Variants in UNC5D observed in about 807,000 individuals in gnomAD.
UNC5D encodes unc-5 netrin receptor D, also known as netrin receptor UNC5D.
A neutral mutation model predicts 105.4 loss-of-function variants in UNC5D; 39 were observed. The observed-to-expected ratio is 0.37, with a 90% CI of 0.29 to 0.48. The LOEUF (loss-of-function observed/expected upper bound fraction) is 0.48. UNC5D is among the 20% of genes least tolerant of loss of function. UNC5D has a pLI of 0.98. For synonymous variants in UNC5D, 452 were observed against 450.4 expected (o/e 1.00, Z -0.04); for missense variants, 991 against 1,202.4 (o/e 0.82, Z 2.60).
intron 1 of UNC5D, among the ~76,000 whole-genome samples, chr8:35,438,955 C>G (rs764974229): frequency 6.6e-6 from 1 of 151,926 alleles, no homozygotes; most frequent in Non-Finnish European, 1.5e-5. Context: ...ATAAAAGGAC[C>G]CCTGTTCTGG....
At chr8:35,579,497 A>G (rs1413989578) in intron 3 of UNC5D, among the ~76,000 whole-genome samples, 1 of 152,166 alleles carries the variant, frequency 6.6e-6, no homozygotes, top group East Asian at 1.9e-4. Flanking sequence ...CAATTTACTG[A>G]TCCCTGAGGC....
At chr8:35,505,359 C>A (rs1349323760) in intron 1 of UNC5D, among the ~76,000 whole-genome samples, 1 of 152,006 alleles carries the variant, frequency 6.6e-6, no homozygotes, top group Non-Finnish European at 1.5e-5. Flanking sequence ...GGTCTTAGTA[C>A]AATTGAATGG....
At chr8:35,535,776 C>G (rs1466115312) in intron 1 of UNC5D, among the ~76,000 whole-genome samples, 1 of 152,140 alleles carries the variant, frequency 6.6e-6, no homozygotes, top group African/African-American at 2.4e-5. Flanking sequence ...TCCTCCTTCT[C>G]CATCCATCCC....
intron 4 of UNC5D, among the ~76,000 whole-genome samples, chr8:35,650,231 C>A (rs754534591): frequency 2.0e-5 from 3 of 152,064 alleles, no homozygotes; most frequent in Admixed American, 1.3e-4. Flanking sequence ...GGGTGATGAC[C>A]GAGGCTCTGG....
At chr8:35,518,861 C>A (rs1360393253) in intron 1 of UNC5D, among the ~76,000 whole-genome samples, 4 of 143,032 alleles carry the variant, frequency 2.8e-5, no homozygotes, top group African/African-American at 1.1e-4. Flanking sequence ...CTTAGAAATT[C>A]TCTTTACCTT....
At chr8:35,379,012 G>A (rs1034792604) in intron 1 of UNC5D, among the ~76,000 whole-genome samples, 5 of 152,188 alleles carry the variant, frequency 3.3e-5, no homozygotes, top group African/African-American at 4.8e-5. Flanking sequence ...ACCCTAGAAA[G>A]GATAGAAGCA....
At chr8:35,499,370 T>G (rs1352824304) in intron 1 of UNC5D, among the ~76,000 whole-genome samples, 1 of 152,228 alleles carries the variant, frequency 6.6e-6, no homozygotes, top group African/African-American at 2.4e-5. Context: ...TATCATTTAG[T>G]TCTCCCTCTT....
intron 1 of UNC5D, among the ~76,000 whole-genome samples, chr8:35,459,828 A>G (rs1382743047): frequency 6.6e-6 from 1 of 152,190 alleles, no homozygotes; most frequent in African/African-American, 2.4e-5. Flanking sequence ...ATATTGTCGC[A>G]TATATTTTTA....
intron 1 of UNC5D, among the ~76,000 whole-genome samples, chr8:35,396,419 A>G (rs1321976273): frequency 6.6e-6 from 1 of 152,152 alleles, no homozygotes; most frequent in African/African-American, 2.4e-5. Flanking sequence ...CCCAGCAGCA[A>G]GCTAAGACAA....
Position 35,634,757 on chromosome 8 carries a change from C to CT in UNC5D, c.570+39112dup, listed in dbSNP as rs1193381864. ...TTTTCTCCCTCTGGATTTTTCTTTTCTTTTTTTTTTTTCTTTCCTTTTTTT... is the reference window on the plus strand; with the variant it reads ...TTTTCTCCCTCTGGATTTTTCTTTTCTTTTTTTTTTTTTCTTTCCTTTTTTT... On this transcript the variant is annotated intron_variant, in intron 4 of 16. Transcript: ENST00000404895. Among the ~76,000 whole-genome samples the CT allele has an allele frequency of 8.2e-3, 1,181 of 143,790 alleles. 16 individuals carry two copies. The highest frequency in any genetic ancestry group is 0.025 in the African/African-American group (974 of 39,504). The allele number at this position is 143,790 out of a possible 152,430, so 94.3% of individuals were successfully genotyped here.
intron 1 of UNC5D, among the ~76,000 whole-genome samples, chr8:35,428,540 G>A (rs986278506): frequency 1.1e-4 from 17 of 151,742 alleles, no homozygotes; most frequent in Middle Eastern, 3.4e-3. Context: ...GCTCTCTTCT[G>A]CCCCACTGAA....
intron 1 of UNC5D, among the ~76,000 whole-genome samples, chr8:35,382,690 CTCTG>C (rs1803118807): frequency 6.6e-6 from 1 of 152,094 alleles, no homozygotes; most frequent in Admixed American, 6.6e-5. Context: ...TTTATAGTGA[CTCTG>C]TCTGGACTTG....
intron 2 of UNC5D, among the ~76,000 whole-genome samples, chr8:35,564,782 A>T (rs1817214283): frequency 6.6e-6 from 1 of 152,170 alleles, no homozygotes; most frequent in South Asian, 2.1e-4. Flanking sequence ...AGTGTCCATT[A>T]TACCATCCTG....
intron 1 of UNC5D, among the ~76,000 whole-genome samples, chr8:35,508,107 TAAC>T (rs770872797): frequency 6.6e-6 from 1 of 152,130 alleles, no homozygotes; most frequent in African/African-American, 2.4e-5. Context: ...ATGAATGTAA[TAAC>T]AACAATCCCA....
At chr8:35,768,688 A>G (rs1235656139) in intron 15 of UNC5D, among the ~76,000 whole-genome samples, 2 of 152,234 alleles carry the variant, frequency 1.3e-5, no homozygotes, top group Non-Finnish European at 2.9e-5. Context: ...TCCTTGCTTA[A>G]TAAATTCTTA....
intron 4 of UNC5D, among the ~76,000 whole-genome samples, chr8:35,641,767 T>A (rs568894899): frequency 2.9e-4 from 44 of 152,092 alleles, no homozygotes; most frequent in Admixed American, 2.6e-4. Flanking sequence ...GTGTAGGACA[T>A]CTTAATAGAT....
chr8:35,556,895 C>T (rs1039656300), intron 2 of UNC5D, among the ~76,000 whole-genome samples: 3 of 152,148 alleles, frequency 2.0e-5, no homozygotes, highest in African/African-American at 7.2e-5. Context: ...AGCCCTCACT[C>T]AAAATGGAGT....
chr8:35,624,835 C>T (rs2131046408), intron 4 of UNC5D, among the ~76,000 whole-genome samples: 1 of 152,322 alleles, frequency 6.6e-6, no homozygotes, highest in East Asian at 1.9e-4. Flanking sequence ...CTTCCCTCTC[C>T]ACAGTCAGCC....
chr8:35,281,418 T>G (rs929562332), intron 1 of UNC5D, among the ~76,000 whole-genome samples: 9 of 49,274 alleles, frequency 1.8e-4, no homozygotes, highest in Non-Finnish European at 9.8e-5. Flanking sequence ...AATACTTTTT[T>G]TTTCTTTTTT....
Sources: allele counts gnomAD v4.1 joint callset (sites outside exome capture counted in the v4.1 genomes callset), GRCh38; gene constraint gnomAD v4.1.1; transcripts MANE v1.5; gene names NCBI Gene and HGNC (gene_info 2026-07-23, HGNC 2026-07-21).